KCNC2: variants seen among roughly 807,000 people sequenced by gnomAD.
The protein encoded by KCNC2 is voltage-gated potassium channel KCNC2.
A neutral mutation model predicts 44.5 loss-of-function variants in KCNC2; 21 were observed. That is an observed-to-expected ratio of 0.47 (90% confidence interval 0.33 to 0.68). The LOEUF is 0.68. KCNC2 is among the 30% of genes least tolerant of loss of function. The pLI, the probability that KCNC2 is intolerant of heterozygous loss-of-function variation, is 0.01. For synonymous variants in KCNC2, 391 were observed against 339.1 expected (o/e 1.15, Z -1.68); for missense variants, 589 against 826.2 (o/e 0.71, Z 3.52).
At chr12:75,060,489 A>G (rs1429961055) in intron 2 of KCNC2, among the ~76,000 whole-genome samples, 6 of 151,972 alleles carry the variant, frequency 3.9e-5, no homozygotes, top group Non-Finnish European at 8.8e-5. Context: ...TTTTTGAGAC[A>G]AGGTCTCTCT....
intron 2 of KCNC2, among the ~76,000 whole-genome samples, chr12:75,127,120 A>G (rs1888483497): frequency 1.3e-5 from 2 of 152,162 alleles, no homozygotes; most frequent in Non-Finnish European, 2.9e-5. Flanking sequence ...TATGAATGGG[A>G]ACTCAAGGTG....
intron 2 of KCNC2, among the ~76,000 whole-genome samples, chr12:75,103,823 CAG>C (rs1433630900): frequency 6.6e-6 from 1 of 152,130 alleles, no homozygotes; most frequent in Non-Finnish European, 1.5e-5. Flanking sequence ...AATAACAAAA[CAG>C]AACAATTACA....
intron 2 of KCNC2, among the ~76,000 whole-genome samples, chr12:75,069,546 C>T (rs935216939): frequency 2.6e-5 from 4 of 152,120 alleles, no homozygotes; most frequent in Non-Finnish European, 5.9e-5. Context: ...ATGGCTCTTA[C>T]AGAATCATTT....
chr12:75,105,960 T>C (rs1886749255), intron 2 of KCNC2, among the ~76,000 whole-genome samples: 1 of 151,420 alleles, frequency 6.6e-6, no homozygotes, highest in Admixed American at 6.6e-5. Context: ...AGAGAGAGAT[T>C]GAGAGAGACA....
At chr12:75,116,671 A>C (rs1887681388) in intron 2 of KCNC2, among the ~76,000 whole-genome samples, 1 of 152,228 alleles carries the variant, frequency 6.6e-6, no homozygotes, top group Non-Finnish European at 1.5e-5. Context: ...AGGACATTTA[A>C]AAGTAGAACA....
At chr12:75,067,253 A>G (rs1882923492) in intron 2 of KCNC2, among the ~76,000 whole-genome samples, 1 of 152,124 alleles carries the variant, frequency 6.6e-6, no homozygotes, top group Non-Finnish European at 1.5e-5. Context: ...AAAGCCTAAG[A>G]AGTTAGGTCA....
At chr12:75,118,440 A>G (rs1020904051) in intron 2 of KCNC2, among the ~76,000 whole-genome samples, 1 of 152,080 alleles carries the variant, frequency 6.6e-6, no homozygotes, top group African/African-American at 2.4e-5. Flanking sequence ...TACTTGGGAC[A>G]AGCCCCTCTA....
intron 2 of KCNC2, among the ~76,000 whole-genome samples, chr12:75,113,212 T>C (rs1167773785): frequency 2.0e-5 from 3 of 152,150 alleles, no homozygotes; most frequent in African/African-American, 7.2e-5. Flanking sequence ...ATGGGGTCTA[T>C]CATTTGACAA....
chr12:75,142,035 G>A (rs1419661283), intron 2 of KCNC2, among the ~76,000 whole-genome samples: 1 of 152,092 alleles, frequency 6.6e-6, no homozygotes, highest in East Asian at 1.9e-4. Context: ...AGTAGTAAGA[G>A]GGAATACCTG....
At chr12:75,146,991 T>A (rs549815693) in intron 2 of KCNC2, among the ~76,000 whole-genome samples, 1 of 152,204 alleles carries the variant, frequency 6.6e-6, no homozygotes, top group African/African-American at 2.4e-5. Context: ...AACCTTAATA[T>A]TTACACATCA....
intron 2 of KCNC2, among the ~76,000 whole-genome samples, chr12:75,190,963 T>C (rs1225928657): frequency 1.3e-5 from 2 of 151,954 alleles, no homozygotes; most frequent in Non-Finnish European, 2.9e-5. Context: ...AGACAATAAG[T>C]TTAAATAATA....
At chr12:75,204,926 C>T (rs886461584) in intron 2 of KCNC2, among the ~76,000 whole-genome samples, 11 of 152,070 alleles carry the variant, frequency 7.2e-5, no homozygotes, top group African/African-American at 2.2e-4. Context: ...ATGGAAAGTT[C>T]AAACAGGATT....
At chr12:75,108,029 T>G (rs1254016968) in intron 2 of KCNC2, among the ~76,000 whole-genome samples, 1 of 152,224 alleles carries the variant, frequency 6.6e-6, no homozygotes, top group Non-Finnish European at 1.5e-5. Flanking sequence ...TCCTTAGGCC[T>G]ATGACCTTTG....
At chr12:75,060,104 C>T (rs1000058093) in intron 2 of KCNC2, among the ~76,000 whole-genome samples, 5 of 152,124 alleles carry the variant, frequency 3.3e-5, no homozygotes, top group Non-Finnish European at 7.4e-5. Context: ...CGTCAATTTA[C>T]ACTTGCCCAA....
intron 2 of KCNC2, among the ~76,000 whole-genome samples, chr12:75,141,656 C>A (rs1217044641): frequency 6.6e-6 from 1 of 152,232 alleles, no homozygotes; most frequent in East Asian, 1.9e-4. Context: ...CATCTTCTTA[C>A]TTTCAATGCG....
intron 4 of KCNC2, among the ~76,000 whole-genome samples, chr12:75,044,178 T>G (rs1454407807): frequency 6.6e-6 from 1 of 152,028 alleles, no homozygotes; most frequent in African/African-American, 2.4e-5. Context: ...GGAAAGCACC[T>G]AGTATAAATT....
intron 2 of KCNC2, among the ~76,000 whole-genome samples, chr12:75,186,109 TTAAA>T (rs1892930339): frequency 6.6e-6 from 1 of 151,064 alleles, no homozygotes. Context: ...TTTATTGTAA[TTAAA>T]TAAAGAAAAT....
rs571470273 is a variant in KCNC2 at position 75,044,136 on chromosome 12, A to G, written c.1781-895T>C. Among the ~76,000 whole-genome samples, 4 of 152,080 alleles carry G rather than the reference A, an allele frequency of 2.6e-5. No individual in the cohort carries two copies. The South Asian group carries it at 8.3e-4, about 31-fold the overall frequency. On this transcript the variant is annotated intron_variant, in intron 4 of 4. Transcript: ENST00000549446. ...ATATTTGCATATTTTAGTATTTTTT[A>G]TTACAAAATATTACAGACAGTTAAA...
chr12:75,161,656 A>G (rs1891132981), intron 2 of KCNC2, among the ~76,000 whole-genome samples: 1 of 151,764 alleles, frequency 6.6e-6, no homozygotes, highest in Non-Finnish European at 1.5e-5. Context: ...TACAGTCTAG[A>G]GCACAGCTTG....
Sources: allele counts gnomAD v4.1 joint callset (sites outside exome capture counted in the v4.1 genomes callset), GRCh38; gene constraint gnomAD v4.1.1; transcripts MANE v1.5; gene names NCBI Gene and HGNC (gene_info 2026-07-23, HGNC 2026-07-21).